Variants in DENND6A observed in about 807,000 individuals in gnomAD.
DENND6A encodes the protein protein DENND6A.
In DENND6A, 43 loss-of-function variants were observed where a neutral mutation model predicts 95.5. The observed-to-expected ratio is 0.45, with a 90% CI of 0.35 to 0.58. The LOEUF is 0.58. DENND6A is among the 20% of genes least tolerant of loss of function. DENND6A has a pLI of 0.00. For missense variants in DENND6A, 574 were observed against 736.0 expected (o/e 0.78, Z 2.55); for synonymous variants, 257 against 260.4 (o/e 0.99, Z 0.13).
chr3:57,657,625 A>T, intron 9 of DENND6A, 55 bp downstream of exon 9: 1 of 1,160,404 alleles, frequency 8.6e-7, no homozygotes, highest in South Asian at 1.4e-5. Context: ...AAATAAATTA[A>T]CACCACCACC....
chr3:57,660,196 CTTT>C (rs11285527), intron 7 of DENND6A, among the ~76,000 whole-genome samples: 60 of 139,022 alleles, frequency 4.3e-4, no homozygotes, highest in Non-Finnish European at 4.7e-4. Flanking sequence ...CTACAAAGTT[CTTT>C]TTTTTTTTTT....
chr3:57,635,573 G>C (rs1413928854), intron 12 of DENND6A, among the ~76,000 whole-genome samples: 4 of 152,082 alleles, frequency 2.6e-5, no homozygotes, highest in Admixed American at 6.6e-5. Context: ...TATTATTATA[G>C]AGATTATAAT....
At chr3:57,651,808 A>G (rs1408073172) in intron 9 of DENND6A, among the ~76,000 whole-genome samples, 1 of 152,232 alleles carries the variant, frequency 6.6e-6, no homozygotes, top group African/African-American at 2.4e-5. Flanking sequence ...CTCACTGGCT[A>G]AACTGGGACA....
intron 5 of DENND6A, among the ~76,000 whole-genome samples, chr3:57,663,269 A>C (rs2071461086): frequency 6.6e-6 from 1 of 151,348 alleles, no homozygotes; most frequent in Non-Finnish European, 1.5e-5. Context: ...GTTCAAGACC[A>C]GCCTGGCCAA....
chr3:57,667,756 A>G (rs1575852090), intron 3 of DENND6A, among the ~76,000 whole-genome samples: 1 of 152,320 alleles, frequency 6.6e-6, no homozygotes, highest in South Asian at 2.1e-4. Flanking sequence ...TAGCAACTTG[A>G]TATTGCTGTA....
intron 1 of DENND6A, among the ~76,000 whole-genome samples, chr3:57,687,650 C>T (rs967645449): frequency 1.1e-4 from 16 of 152,120 alleles, no homozygotes; most frequent in African/African-American, 3.4e-4. Context: ...GATAGGATGA[C>T]AGCCAGGTGT....
At chr3:57,636,057 CA>C (rs764950983) in intron 12 of DENND6A, among the ~76,000 whole-genome samples, 1 of 152,130 alleles carries the variant, frequency 6.6e-6, no homozygotes, top group Non-Finnish European at 1.5e-5. Context: ...ATACATAAAA[CA>C]TACAAAATGT....
chr3:57,692,754 GC>G, intron 1 of DENND6A, 27 bp downstream of exon 1: 1 of 1,432,558 alleles, frequency 7.0e-7, no homozygotes, highest in Non-Finnish European at 9.1e-7. Context: ...GGGGAGGAGC[GC>G]CGAGAAAGGG....
chr3:57,666,287 T>C, intron 3 of DENND6A, 52 bp from the exon 4 acceptor site: 3 of 1,375,486 alleles, frequency 2.2e-6, no homozygotes, highest in Non-Finnish European at 3.0e-6. Context: ...ATAACATTTA[T>C]CCAGTTTCAT....
At chr3:57,638,095 C>T (rs1319020005) in intron 12 of DENND6A, among the ~76,000 whole-genome samples, 1 of 151,952 alleles carries the variant, frequency 6.6e-6, no homozygotes, top group East Asian at 1.9e-4. Context: ...GATCATGCCA[C>T]CGTACTCCAG....
intron 14 of DENND6A, 107 bp from the exon 15 acceptor site, chr3:57,633,461 T>A: frequency 1.1e-6 from 1 of 904,612 alleles, no homozygotes; most frequent in South Asian, 1.6e-5. Context: ...ACTTGATATT[T>A]AAAAAACTAG....
At position 57,646,384 on chromosome 3, in the gene DENND6A, C is replaced by G; in HGVS notation, c.873G>C (p.Leu291Phe). The G allele has an allele frequency of 6.2e-7, 1 of 1,614,100 alleles. No homozygotes were observed. The highest frequency in any genetic ancestry group is 8.5e-7 in the Non-Finnish European group (1 of 1,179,994). Residue 291 changes from leucine to phenylalanine, a missense_variant, in exon 10 of 20, where the codon TTG becomes TTC. Physicochemically the swap from Leu to Phe is conservative, Grantham distance 22 (BLOSUM62 0). Transcript: ENST00000311128. ...HSQMLWELVL[L>F]GEPLVVMAPS... is the part of the protein sequence containing the mutation. ...GCGCCATAACCACAAGGGGCTCCCC[C>G]AACAGCACCAGCTCCCAGAGCATCT... is the stretch of plus-strand genomic sequence containing the variant.
At chr3:57,660,659 GATC>G in intron 7 of DENND6A, 98 bp downstream of exon 7, 1 of 1,027,160 alleles carries the variant, frequency 9.7e-7, no homozygotes, top group Non-Finnish European at 1.4e-6. Flanking sequence ...AGTGAGCTGT[GATC>G]ATGCCACTGT....
chr3:57,654,369 A>G (rs1475569168), intron 9 of DENND6A, among the ~76,000 whole-genome samples: 1 of 152,230 alleles, frequency 6.6e-6, no homozygotes, highest in African/African-American at 2.4e-5. Context: ...AGATAGCATC[A>G]GATACATTTT....
intron 5 of DENND6A, among the ~76,000 whole-genome samples, 147 bp downstream of exon 5, chr3:57,663,482 AAAAAAAT>A (rs2071467053): frequency 1.5e-5 from 2 of 129,122 alleles, no homozygotes; most frequent in African/African-American, 6.8e-5. Flanking sequence ...AAAAAAAAAA[AAAAAAAT>A]ATATATATAC....
At chr3:57,629,102 G>C (rs1012118664) in intron 18 of DENND6A, among the ~76,000 whole-genome samples, 4 of 152,116 alleles carry the variant, frequency 2.6e-5, no homozygotes, top group African/African-American at 9.7e-5. Context: ...TCTCATATTT[G>C]GAAGTAAAAC....
chr3:57,688,073 G>A (rs986741431), intron 1 of DENND6A, among the ~76,000 whole-genome samples: 1 of 151,522 alleles, frequency 6.6e-6, no homozygotes, highest in Non-Finnish European at 1.5e-5. Context: ...TCAGTTCACT[G>A]CAACCTCTGC....
chr3:57,651,912 T>C (rs1349427480), intron 9 of DENND6A, among the ~76,000 whole-genome samples: 1 of 152,022 alleles, frequency 6.6e-6, no homozygotes, highest in Non-Finnish European at 1.5e-5. Context: ...AGTGTGGTGA[T>C]TTAAAATATG....
At chr3:57,688,810 CTTAAGT>C (rs1477831735) in intron 1 of DENND6A, among the ~76,000 whole-genome samples, 2 of 152,094 alleles carry the variant, frequency 1.3e-5, no homozygotes, top group Non-Finnish European at 2.9e-5. Context: ...TGTCCCTTTA[CTTAAGT>C]TTATTTGAGG....
Sources: allele counts gnomAD v4.1 joint callset (sites outside exome capture counted in the v4.1 genomes callset), GRCh38; gene constraint gnomAD v4.1.1; transcripts MANE v1.5; gene names NCBI Gene and HGNC (gene_info 2026-07-23, HGNC 2026-07-21).